The following ALPK1 variants were observed in gnomAD, a reference collection of about 807,000 sequenced individuals.
The protein encoded by ALPK1 is alpha kinase 1.
A neutral mutation model predicts 120.6 loss-of-function variants in ALPK1; 110 were observed. The observed-to-expected ratio is 0.91, with a 90% CI of 0.78 to 1.07. The LOEUF is 1.07. Among genes scored for constraint, ALPK1 ranks in the 50% least tolerant of loss-of-function variants. The pLI is 0.00. For missense variants in ALPK1, 1,498 were observed against 1,483.9 expected (o/e 1.01, Z -0.16); for synonymous variants, 582 against 560.3 (o/e 1.04, Z -0.55).
chr4:112,329,074 T>C (rs1729241772), intron 2 of ALPK1, among the ~76,000 whole-genome samples: 1 of 152,190 alleles, frequency 6.6e-6, no homozygotes, highest in South Asian at 2.1e-4. Context: ...TTCATCCCTT[T>C]ACCCTTCACA....
chr4:112,399,845 A>G (rs1353193193), intron 4 of ALPK1, among the ~76,000 whole-genome samples: 5 of 152,056 alleles, frequency 3.3e-5, no homozygotes, highest in Non-Finnish European at 5.9e-5. Context: ...GAGAACGTGC[A>G]GTGTTTGGTT....
At chr4:112,441,171 A>T (rs1735028695) in intron 15 of ALPK1, 32 bp from the exon 16 acceptor site, 2 of 1,612,752 alleles carry the variant, frequency 1.2e-6, no homozygotes, top group African/African-American at 2.7e-5. Flanking sequence ...ATATCTGGTG[A>T]TGCTCGCAAA....
chr4:112,435,578 G>C (rs963666764), intron 12 of ALPK1, among the ~76,000 whole-genome samples: 5 of 152,156 alleles, frequency 3.3e-5, no homozygotes, highest in African/African-American at 1.2e-4. Context: ...GAAAAATAAA[G>C]TTCCTGGCCA....
In ALPK1 at chr4:112,438,630, CAT is replaced by C; in HGVS notation, c.3336_3337del (p.Ser1113HisfsTer31). ...ATTCCCACCCAGATATTCTACATCC[CAT>C]CCACAATACTACTGGTAAGATTATC... On this transcript the variant is annotated frameshift_variant, in exon 13 of 16. Transcript: ENST00000650871. LOFTEE classifies it high-confidence loss of function. 6.2e-7 allele frequency: 1 copy of C among 1,613,566 alleles called. No homozygotes were observed. The highest frequency in any genetic ancestry group is 8.5e-7 in the Non-Finnish European group (1 of 1,179,658).
intron 4 of ALPK1, among the ~76,000 whole-genome samples, chr4:112,394,542 A>C (rs1732565943): frequency 1.3e-5 from 2 of 152,214 alleles, no homozygotes; most frequent in African/African-American, 4.8e-5. Flanking sequence ...TCAGACTTTA[A>C]GGTAGAGTCT....
rs1236918255 is a variant in ALPK1, at chr4:112,431,873, C to T, written c.2326C>T (p.Pro776Ser). ...AGAAATTAGTGAAAGAGGCGCAGGC[C>T]CTACATTTAAAGCTAGTCCCTCCTG... ...GEEISERGAGPTFKASPSWVD... is the reference protein window; with the variant it reads ...GEEISERGAGSTFKASPSWVD... The change falls in exon 11 of 16, where the codon CCT (proline) becomes TCT (serine). Residue 776 changes from proline (P) to serine (S), a missense_variant. Transcript: ENST00000650871. The T allele has an allele frequency of 1.5e-5, 24 of 1,613,864 alleles. No homozygotes were observed. The highest frequency in any genetic ancestry group is 2.0e-5 in the Non-Finnish European group (24 of 1,180,024).
chr4:112,413,575 C>T (rs1444561298), intron 5 of ALPK1, among the ~76,000 whole-genome samples: 1 of 152,162 alleles, frequency 6.6e-6, no homozygotes, highest in Non-Finnish European at 1.5e-5. Flanking sequence ...TGCGCCACCA[C>T]ACCCAGCTAA....
At chr4:112,383,271 G>C (rs1044167193) in intron 4 of ALPK1, 1 of 151,144 alleles carries the variant, frequency 6.6e-6, no homozygotes, top group African/African-American at 2.4e-5. Context: ...TGTCAAGGAA[G>C]AAAGCTTGCT....
Position 112,427,627 on chromosome 4 carries a change from G to T in ALPK1, c.757G>T (p.Asp253Tyr), listed in dbSNP as rs749235785. 6.2e-7 allele frequency: 1 copy of T among 1,613,984 alleles called. No individual in the cohort carries two copies. Among genetic ancestry groups the T allele is most frequent in the South Asian group, 1.1e-5 (1 of 91,072 alleles). The change falls in exon 9 of 16, where the codon GAT becomes TAT. Residue 253 changes from aspartate (D) to tyrosine (Y), a missense_variant. By Grantham distance (160) the Asp-to-Tyr change is radical. Coordinates refer to ENST00000650871, the MANE Select transcript of ALPK1 (RefSeq NM_025144.4). The stretch of plus-strand genomic sequence containing the variant: ...CATCTTTGTTTCCATGAGCAAGAAC[G>T]ATTATGAAAAGTTTAAAAACAATCC... The part of the protein sequence containing the change: ...ADIFVSMSKN[D>Y]YEKFKNNPQI...
At position 112,382,491 on chromosome 4, in the gene ALPK1, T is replaced by C; in HGVS notation, c.215T>C (p.Val72Ala). ...GAAAAGTGGCAGTACAAACAAGCCG[T>C]GGGCCCAGAGGACAAAACAAACCTG... is the stretch of plus-strand genomic sequence containing the variant. ...VPEKWQYKQAVGPEDKTNLKD... is the reference protein window; with the variant it reads ...VPEKWQYKQAAGPEDKTNLKD... The change falls in exon 4 of 16, where the codon GTG becomes GCG. Residue 72 changes from valine to alanine, a missense_variant. Coordinates refer to ENST00000650871, the MANE Select transcript of ALPK1 (RefSeq NM_025144.4). The C allele has an allele frequency of 6.2e-7, 1 of 1,614,140 alleles. No homozygotes were observed. The highest frequency in any genetic ancestry group is 8.5e-7 in the Non-Finnish European group (1 of 1,180,020).
chr4:112,441,316 T>A lies in ALPK1; in HGVS notation c.*106T>A, dbSNP rs2148769432. On this transcript the variant is annotated 3_prime_UTR_variant, in exon 16 of 16. Coordinates refer to ENST00000650871, the MANE Select transcript of ALPK1 (RefSeq NM_025144.4). ...TCAGTATCACTTTAAGTCCTGCATT[T>A]AATTGGCAGCACAAGATCCTGCAGA... is the stretch of plus-strand genomic sequence containing the variant. 1.2e-6 allele frequency: 1 copy of A among 846,158 alleles called. No homozygotes were observed. Among genetic ancestry groups the A allele is most frequent in the Non-Finnish European group, 2.1e-6 (1 of 479,542 alleles). 52.4% of individuals were successfully genotyped at this position (846,158 alleles called of 1,614,324 possible). A position where few individuals can be genotyped will look rare whatever the true frequency, so the allele number is the denominator to read the frequency against.
intron 3 of ALPK1, 103 bp from the exon 4 acceptor site, chr4:112,382,289 CTTTTTT>C (rs34345428): frequency 0.028 from 18,682 of 660,844 alleles, 25 homozygotes; most frequent in East Asian, 0.05. Flanking sequence ...AGGTTTTTCT[CTTTTTT>C]TTTTTTTTTT....
chr4:112,346,748 T>C (rs952608914), intron 2 of ALPK1, among the ~76,000 whole-genome samples: 1 of 152,234 alleles, frequency 6.6e-6, no homozygotes, highest in Non-Finnish European at 1.5e-5. Context: ...GTTTTAAGAA[T>C]AGAAGATTAC....
intron 7 of ALPK1, 115 bp downstream of exon 7, chr4:112,425,866 T>A: frequency 1.3e-6 from 1 of 756,294 alleles, no homozygotes; most frequent in Non-Finnish European, 2.2e-6. Flanking sequence ...TCCACTTGCC[T>A]TAGTTTCCTC....
At chr4:112,418,357 G>A (rs2148753925) in intron 5 of ALPK1, among the ~76,000 whole-genome samples, 1 of 152,296 alleles carries the variant, frequency 6.6e-6, no homozygotes, top group East Asian at 1.9e-4. Context: ...GGGGAAACTG[G>A]TCACCAGAGG....
chr4:112,399,311 T>C (rs1463499844), intron 4 of ALPK1, among the ~76,000 whole-genome samples: 1 of 152,192 alleles, frequency 6.6e-6, no homozygotes, highest in Non-Finnish European at 1.5e-5. Flanking sequence ...TTTTTTTCTT[T>C]TTTAAAGAGG....
intron 4 of ALPK1, among the ~76,000 whole-genome samples, chr4:112,386,167 G>A (rs1184260277): frequency 6.6e-6 from 1 of 152,026 alleles, no homozygotes; most frequent in East Asian, 1.9e-4. Context: ...TTGCTTTCTG[G>A]TCTCCACTGT....
intron 5 of ALPK1, chr4:112,414,370 G>A: frequency 2.2e-6 from 1 of 454,912 alleles, no homozygotes; most frequent in Non-Finnish European, 4.4e-6. Context: ...ACTTTGGGAG[G>A]CCGAAGCGGG....
At chr4:112,353,219 G>A (rs1730443419) in intron 2 of ALPK1, among the ~76,000 whole-genome samples, 1 of 151,954 alleles carries the variant, frequency 6.6e-6, no homozygotes, top group African/African-American at 2.4e-5. Flanking sequence ...CAAGTGATCT[G>A]CCTGCCTCAG....
Sources: allele counts gnomAD v4.1 joint callset (sites outside exome capture counted in the v4.1 genomes callset), GRCh38; gene constraint gnomAD v4.1.1; transcripts MANE v1.5; gene names NCBI Gene and HGNC (gene_info 2026-07-23, HGNC 2026-07-21).